Variants in EPHA6 observed in about 807,000 individuals in gnomAD.
EPHA6 encodes ephrin type-A receptor 6.
EPHA6 carries 50 observed loss-of-function variants against 112.0 expected under a neutral mutation model. The observed-to-expected ratio is 0.45, with a 90% confidence interval of 0.36 to 0.56. The LOEUF is 0.56. Among genes scored for constraint, EPHA6 ranks in the 20% least tolerant of loss-of-function variants. The pLI, the probability that EPHA6 is intolerant of heterozygous loss-of-function variation, is 0.00. For missense variants in EPHA6, 1,280 were observed against 1,417.4 expected (o/e 0.90, Z 1.56); for synonymous variants, 529 against 490.7 (o/e 1.08, Z -1.03).
chr3:97,381,249 ATATT>A (rs1284970956), intron 5 of EPHA6, among the ~76,000 whole-genome samples: 5 of 152,116 alleles, frequency 3.3e-5, no homozygotes, highest in Admixed American at 3.3e-4. Flanking sequence ...ATTTCTGAAA[ATATT>A]TATTAGCATA....
chr3:97,667,961 TA>T (rs1393629928), intron 14 of EPHA6, among the ~76,000 whole-genome samples: 12 of 152,186 alleles, frequency 7.9e-5, no homozygotes, highest in African/African-American at 2.9e-4. Flanking sequence ...GAGCGCTAAA[TA>T]AACTATAAAT....
At chr3:97,626,148 GGT>G (rs2093854936) in intron 13 of EPHA6, among the ~76,000 whole-genome samples, 1 of 151,750 alleles carries the variant, frequency 6.6e-6, no homozygotes, top group Admixed American at 6.6e-5. Context: ...GGCCCCAGCA[GGT>G]GCAACCAACC....
chr3:97,638,611 CA>C (rs549163953), intron 14 of EPHA6, among the ~76,000 whole-genome samples: 2 of 152,052 alleles, frequency 1.3e-5, no homozygotes, highest in South Asian at 4.1e-4. Context: ...AGCTGAAATG[CA>C]AATTTAAAAC....
chr3:97,468,698 G>A (rs1311986742), intron 7 of EPHA6, among the ~76,000 whole-genome samples: 2 of 151,630 alleles, frequency 1.3e-5, no homozygotes, highest in East Asian at 1.9e-4. Flanking sequence ...AAATTACAAC[G>A]TGTTTAAGCA....
intron 14 of EPHA6, among the ~76,000 whole-genome samples, chr3:97,667,270 T>C (rs944904656): frequency 1.2e-4 from 18 of 152,234 alleles, no homozygotes; most frequent in Admixed American, 1.3e-4. Context: ...CCACTTTCTC[T>C]CTGCATATTA....
At chr3:97,490,995 A>G (rs896580944) in intron 10 of EPHA6, among the ~76,000 whole-genome samples, 1 of 152,208 alleles carries the variant, frequency 6.6e-6, no homozygotes, top group Admixed American at 6.5e-5. Flanking sequence ...GAACATCCTC[A>G]GATTCTTACC....
intron 14 of EPHA6, among the ~76,000 whole-genome samples, chr3:97,645,343 T>G (rs911716437): frequency 6.9e-6 from 1 of 145,638 alleles, no homozygotes; most frequent in African/African-American, 2.6e-5. Context: ...CCATAAAAAA[T>G]GATGAGTTCA....
intron 13 of EPHA6, among the ~76,000 whole-genome samples, chr3:97,620,412 C>T (rs185377488): frequency 9.9e-5 from 15 of 151,980 alleles, no homozygotes; most frequent in African/African-American, 3.6e-4. Flanking sequence ...TAAAAATGGA[C>T]AAATAGAATC....
intron 11 of EPHA6, among the ~76,000 whole-genome samples, chr3:97,539,978 A>C (rs1417996282): frequency 6.6e-6 from 1 of 152,166 alleles, no homozygotes. Context: ...CTGCTGCCCC[A>C]AAAAGCACTG....
At chr3:97,659,582 T>C (rs2094157229) in intron 14 of EPHA6, among the ~76,000 whole-genome samples, 1 of 151,782 alleles carries the variant, frequency 6.6e-6, no homozygotes, top group Non-Finnish European at 1.5e-5. Context: ...AACAGAGAGA[T>C]ACAAACCCAA....
intron 5 of EPHA6, among the ~76,000 whole-genome samples, chr3:97,327,004 C>T (rs1168492395): frequency 6.6e-6 from 1 of 152,044 alleles, no homozygotes; most frequent in African/African-American, 2.4e-5. Flanking sequence ...CTGTAGAGTT[C>T]AGTCTTACAA....
intron 2 of EPHA6, among the ~76,000 whole-genome samples, chr3:96,919,259 AC>A (rs1178634686): frequency 1.3e-5 from 2 of 151,918 alleles, no homozygotes; most frequent in African/African-American, 4.8e-5. Flanking sequence ...TACACTGAAA[AC>A]CAAGGAAAAT....
chr3:97,700,155 G>A (rs2033291609), intron 14 of EPHA6, among the ~76,000 whole-genome samples: 1 of 152,192 alleles, frequency 6.6e-6, no homozygotes, highest in Non-Finnish European at 1.5e-5. Flanking sequence ...TTCTCCAAAT[G>A]AGCTGTATGG....
At chr3:97,162,898 T>C (rs2076449980) in intron 3 of EPHA6, among the ~76,000 whole-genome samples, 2 of 152,164 alleles carry the variant, frequency 1.3e-5, no homozygotes, top group South Asian at 4.1e-4. Flanking sequence ...ATAGTCCTTC[T>C]CGACTCAGAT....
chr3:97,466,243 A>G, intron 7 of EPHA6: 1 of 1,010,324 alleles, frequency 9.9e-7, no homozygotes, highest in East Asian at 2.4e-5. Context: ...TGTGTTTATC[A>G]TCAAAATCAA....
intron 3 of EPHA6, among the ~76,000 whole-genome samples, chr3:97,098,147 T>C (rs942590855): frequency 6.6e-6 from 1 of 151,844 alleles, no homozygotes; most frequent in Admixed American, 6.6e-5. Flanking sequence ...AATGCTCTCA[T>C]TTTGTGAATA....
chr3:97,392,132 C>T (rs993817526), intron 5 of EPHA6, among the ~76,000 whole-genome samples: 3 of 151,650 alleles, frequency 2.0e-5, no homozygotes, highest in African/African-American at 7.3e-5. Flanking sequence ...TAAATATATT[C>T]GTTTGGGCTT....
chr3:96,831,929 A>G (rs552413824), intron 1 of EPHA6, among the ~76,000 whole-genome samples: 2 of 152,132 alleles, frequency 1.3e-5, no homozygotes, highest in Admixed American at 1.3e-4. Context: ...ATTGATTTCA[A>G]CTCTGCTTCT....
chr3:97,545,862 G>T (rs1560121749), intron 11 of EPHA6, among the ~76,000 whole-genome samples: 1 of 152,116 alleles, frequency 6.6e-6, no homozygotes, highest in Non-Finnish European at 1.5e-5. Context: ...TTTAAAGTCT[G>T]TTTTATCAGA....
Sources: gnomAD v4.1 joint callset for allele counts (sites outside exome capture counted in the v4.1 genomes callset) on GRCh38, gnomAD v4.1.1 for gene constraint, MANE v1.5 for transcripts, NCBI Gene and HGNC (gene_info 2026-07-23, HGNC 2026-07-21) for gene names.